NELL1: variants seen among roughly 807,000 people sequenced by gnomAD.
The protein encoded by NELL1 is neural EGFL like 1, also known as protein kinase C-binding protein NELL1.
Under a neutral mutation model 107.4 loss-of-function variants are expected in NELL1, and 76 were observed. The ratio of observed to expected loss-of-function variants is 0.71; its 90% confidence interval spans 0.59 to 0.86. NELL1 has a LOEUF of 0.86. Ranked by LOEUF, NELL1 falls within the 40% of genes least tolerant of loss-of-function variation. The probability of loss-of-function intolerance (pLI) is 0.00; values close to 1 mark genes in which losing one functional copy is unlikely to be tolerated. For missense variants in NELL1, 1,024 were observed against 1,005.5 expected (o/e 1.02, Z -0.25); for synonymous variants, 353 against 341.2 (o/e 1.03, Z -0.38).
At chr11:21,172,633 A>T (rs559146447) in intron 13 of NELL1, among the ~76,000 whole-genome samples, 1 of 151,022 alleles carries the variant, frequency 6.6e-6, no homozygotes, top group Non-Finnish European at 1.5e-5. Flanking sequence ...ATTTTTAATT[A>T]TTTTTTTTTC....
At chr11:21,385,782 G>T (rs1482653561) in intron 15 of NELL1, among the ~76,000 whole-genome samples, 2 of 151,852 alleles carry the variant, frequency 1.3e-5, no homozygotes, top group Admixed American at 6.6e-5. Flanking sequence ...CTCGCTCCGA[G>T]TAGCTTTTCC....
intron 15 of NELL1, among the ~76,000 whole-genome samples, chr11:21,468,840 A>G (rs1327366101): frequency 6.6e-6 from 1 of 152,068 alleles, no homozygotes; most frequent in Non-Finnish European, 1.5e-5. Context: ...GCAGGTTTGC[A>G]GAACACAGTA....
At chr11:21,170,126 A>G (rs1472986280) in intron 13 of NELL1, 2 of 713,254 alleles carry the variant, frequency 2.8e-6, no homozygotes, top group Non-Finnish European at 5.0e-6. Context: ...CTTCAGGTCC[A>G]CTTTGTTCCA....
At chr11:20,686,634 C>T (rs755649337) in intron 2 of NELL1, among the ~76,000 whole-genome samples, 8 of 152,078 alleles carry the variant, frequency 5.3e-5, no homozygotes, top group Non-Finnish European at 1.0e-4. Context: ...TTGCCTTGTT[C>T]GAACATTTGG....
chr11:21,065,229 C>T (rs575448134), intron 12 of NELL1, among the ~76,000 whole-genome samples: 9 of 151,998 alleles, frequency 5.9e-5, no homozygotes, highest in Admixed American at 5.9e-4. Context: ...TGAGAGGGAC[C>T]TTTAAAAGGA....
chr11:21,393,748 G>A (rs1023962821), intron 15 of NELL1, among the ~76,000 whole-genome samples: 2 of 151,694 alleles, frequency 1.3e-5, no homozygotes, highest in Non-Finnish European at 2.9e-5. Context: ...GATGGGTAGA[G>A]CAGTAGAGCA....
At chr11:21,382,042 T>A (rs890049389) in intron 15 of NELL1, among the ~76,000 whole-genome samples, 2 of 151,162 alleles carry the variant, frequency 1.3e-5, no homozygotes, top group African/African-American at 2.4e-5. Flanking sequence ...AGAGTTGAGA[T>A]CTCATTCAAA....
At chr11:20,756,516 ATTT>A (rs753445309) in intron 2 of NELL1, among the ~76,000 whole-genome samples, 323 of 97,318 alleles carry the variant, frequency 3.3e-3, no homozygotes, top group African/African-American at 0.012. Flanking sequence ...ATTTTTTGTA[ATTT>A]TTTTTTTTTT....
At chr11:20,791,842 A>C (rs1857081441) in intron 3 of NELL1, among the ~76,000 whole-genome samples, 1 of 151,048 alleles carries the variant, frequency 6.6e-6, no homozygotes, top group African/African-American at 2.4e-5. Flanking sequence ...ATTTCTTCAC[A>C]TGCTATTTCT....
intron 15 of NELL1, among the ~76,000 whole-genome samples, chr11:21,392,167 C>T (rs1307859352): frequency 6.6e-6 from 1 of 151,842 alleles, no homozygotes; most frequent in Non-Finnish European, 1.5e-5. Flanking sequence ...GTACCCTCTG[C>T]TGAGACTAAA....
At chr11:20,960,923 G>T (rs544041519) in intron 12 of NELL1, among the ~76,000 whole-genome samples, 1 of 152,066 alleles carries the variant, frequency 6.6e-6, no homozygotes, top group Non-Finnish European at 1.5e-5. Context: ...AAATGTACAG[G>T]GTGGTTTCTG....
intron 7 of NELL1, among the ~76,000 whole-genome samples, chr11:20,921,970 G>A (rs886724438): frequency 6.6e-6 from 1 of 152,172 alleles, no homozygotes; most frequent in African/African-American, 2.4e-5. Context: ...GAAGTCTCAG[G>A]AAAGGATTCT....
chr11:21,133,554 A>C (rs1855672762), intron 13 of NELL1, among the ~76,000 whole-genome samples: 1 of 152,094 alleles, frequency 6.6e-6, no homozygotes, highest in Non-Finnish European at 1.5e-5. Context: ...CATGCTCATC[A>C]GTGCCCAAAG....
At chr11:21,145,735 G>T (rs891526216) in intron 13 of NELL1, among the ~76,000 whole-genome samples, 29 of 152,154 alleles carry the variant, frequency 1.9e-4, no homozygotes, top group Non-Finnish European at 3.2e-4. Context: ...AGTGAAACCT[G>T]CCCTCTGTTA....
chr11:21,435,958 C>G (rs1246552634), intron 15 of NELL1, among the ~76,000 whole-genome samples: 1 of 152,066 alleles, frequency 6.6e-6, no homozygotes, highest in Non-Finnish European at 1.5e-5. Context: ...CATAGTAAAG[C>G]AATCAGTGCC....
At chr11:21,518,523 A>C (rs1269390665) in intron 15 of NELL1, among the ~76,000 whole-genome samples, 1 of 152,238 alleles carries the variant, frequency 6.6e-6, no homozygotes, top group African/African-American at 2.4e-5. Context: ...CATGAAGAAT[A>C]AATTAAAAAT....
intron 15 of NELL1, among the ~76,000 whole-genome samples, chr11:21,473,475 T>A (rs2133889207): frequency 6.6e-6 from 1 of 152,230 alleles, no homozygotes; most frequent in Middle Eastern, 3.4e-3. Context: ...CATTTAAGAT[T>A]ACCTGTTCAT....
chr11:21,366,346 C>CT (rs1851220563), intron 14 of NELL1, among the ~76,000 whole-genome samples: 1 of 152,104 alleles, frequency 6.6e-6, no homozygotes, highest in Admixed American at 6.6e-5. Flanking sequence ...TGGTCCTTTG[C>CT]TGAACATGAC....
At chr11:21,200,613 G>T (rs1857248643) in intron 13 of NELL1, among the ~76,000 whole-genome samples, 1 of 152,062 alleles carries the variant, frequency 6.6e-6, no homozygotes. Flanking sequence ...AGTTTCTTTT[G>T]CTGTGCAGAA....
Sources: gnomAD v4.1 joint callset for allele counts (sites outside exome capture counted in the v4.1 genomes callset) on GRCh38, gnomAD v4.1.1 for gene constraint, MANE v1.5 for transcripts, NCBI Gene and HGNC (gene_info 2026-07-23, HGNC 2026-07-21) for gene names.